TMEM181: variants seen among roughly 807,000 people sequenced by gnomAD.
TMEM181 encodes transmembrane protein 181.
A neutral mutation model predicts 71.9 loss-of-function variants in TMEM181; 39 were observed. That is an observed-to-expected ratio of 0.54 (90% CI 0.42 to 0.71). The LOEUF (loss-of-function observed/expected upper bound fraction) is 0.71, where lower values mean the gene tolerates loss of function less well. Ranked by LOEUF, TMEM181 falls within the 30% of genes least tolerant of loss-of-function variation. The pLI, the probability that TMEM181 is intolerant of heterozygous loss-of-function variation, is 0.00. For synonymous variants in TMEM181, 245 were observed against 228.8 expected (o/e 1.07, Z -0.64); for missense variants, 595 against 583.0 (o/e 1.02, Z -0.21).
At chr6:158,625,660 G>T in intron 12 of TMEM181, 43 bp from the exon 13 acceptor site, 1 of 1,521,796 alleles carries the variant, frequency 6.6e-7, no homozygotes, top group South Asian at 1.2e-5. Context: ...AATGCAAGTG[G>T]AATTTACTTC....
Position 158,574,900 on chromosome 6 carries a change from A to G in TMEM181, c.112+1377A>G, listed in dbSNP as rs139836106. ...ATGGTGTAGTTCCAGTCCAAGCCCA[A>G]AGGCATGAGAACTAGGAGAGCTGAT... On this transcript the variant is annotated intron_variant, in intron 2 of 16. Transcript: ENST00000684151. Among the ~76,000 whole-genome samples the G allele has an allele frequency of 3.9e-5, 6 of 152,316 alleles. No homozygotes were observed. In the East Asian group the frequency reaches 9.7e-4, roughly 25 times the overall value.
chr6:158,611,983 C>CG lies in TMEM181; in HGVS notation c.896+3233_896+3234insG, dbSNP rs1562307861. On this transcript the variant is annotated intron_variant, in intron 10 of 16. Transcript: ENST00000684151. ...CCCTGCAGCTGCAGGGATACCCCCC[C>CG]CACCTCCTAGTCTGCTTTTAGCTTG... Among the ~76,000 whole-genome samples the CG allele has an allele frequency of 2.7e-5, 4 of 145,952 alleles. No homozygotes were observed. The East Asian group carries it at 1.0e-3, about 37-fold the overall frequency.
intron 1 of TMEM181, among the ~76,000 whole-genome samples, chr6:158,567,127 G>A (rs1477320255): frequency 3.9e-5 from 6 of 152,200 alleles, no homozygotes; most frequent in Non-Finnish European, 7.3e-5. Context: ...CAGAATTTGC[G>A]AGTGTATTAG....
chr6:158,613,797 T>G (rs922032311), intron 10 of TMEM181, among the ~76,000 whole-genome samples: 4 of 152,246 alleles, frequency 2.6e-5, no homozygotes, highest in Non-Finnish European at 5.9e-5. Flanking sequence ...TAACTAGTTT[T>G]CAAATTCTAG....
intron 10 of TMEM181, among the ~76,000 whole-genome samples, chr6:158,613,183 A>C (rs577773107): frequency 6.6e-6 from 1 of 152,352 alleles, no homozygotes; most frequent in African/African-American, 2.4e-5. Flanking sequence ...AAACTGTCGA[A>C]AACCATAAAA....
At chr6:158,552,764 T>A (rs1781758227) in intron 1 of TMEM181, among the ~76,000 whole-genome samples, 1 of 152,190 alleles carries the variant, frequency 6.6e-6, no homozygotes. Context: ...GTTGAGCTTC[T>A]GAGAGATGAA....
In TMEM181 at chr6:158,560,130, C is replaced by G. The variant is rs912456955; in HGVS notation, c.-95C>G. On this transcript the variant is annotated 5_prime_UTR_variant, in exon 1 of 17. Coordinates refer to ENST00000684151, the MANE Select transcript of TMEM181 (RefSeq NM_001376852.1). Reference sequence around the variant, plus strand: ...CGGCCGCTGCTCAGCCGCTGTCGCTCCGGCTCCGGCTGCGGCTGCCGCTGC... The same window carrying G: ...CGGCCGCTGCTCAGCCGCTGTCGCTGCGGCTCCGGCTGCGGCTGCCGCTGC... 16 of 984,760 alleles carry G rather than the reference C, an allele frequency of 1.6e-5. No homozygotes were observed. The highest frequency in any genetic ancestry group is 1.0e-4 in the African/African-American group (6 of 57,190). The allele number at this position is 984,760 out of a possible 1,614,324, so 61.0% of individuals were successfully genotyped here.
chr6:158,565,135 T>C (rs1782413311), intron 1 of TMEM181, among the ~76,000 whole-genome samples: 1 of 152,238 alleles, frequency 6.6e-6, no homozygotes, highest in Non-Finnish European at 1.5e-5. Context: ...TCCCTCTCGC[T>C]GCAGGACAGC....
At chr6:158,631,757 A>G in intron 16 of TMEM181, 53 bp from the exon 17 acceptor site, 1 of 1,535,364 alleles carries the variant, frequency 6.5e-7, no homozygotes, top group Non-Finnish European at 8.9e-7. Context: ...GTGGAAGAGG[A>G]AAATAAAGAG....
At chr6:158,585,564 C>A in intron 5 of TMEM181, 139 bp downstream of exon 5, 1 of 1,124,740 alleles carries the variant, frequency 8.9e-7, no homozygotes, top group Non-Finnish European at 1.2e-6. Context: ...GGAGTCATAC[C>A]AAAGATGGCA....
chr6:158,565,033 C>T (rs1316930449), intron 1 of TMEM181, among the ~76,000 whole-genome samples: 1 of 152,182 alleles, frequency 6.6e-6, no homozygotes, highest in South Asian at 2.1e-4. Context: ...ATGAAGGTGT[C>T]TCTCACACCC....
At chr6:158,578,094 A>G (rs1783264635) in intron 2 of TMEM181, among the ~76,000 whole-genome samples, 1 of 152,206 alleles carries the variant, frequency 6.6e-6, no homozygotes, top group Admixed American at 6.5e-5. Flanking sequence ...CCATCTCAAA[A>G]AAAAGACAAA....
intron 13 of TMEM181, chr6:158,626,352 G>C (rs1342989132): frequency 6.6e-6 from 3 of 456,174 alleles, no homozygotes; most frequent in African/African-American, 6.0e-5. Context: ...GTAATTGCTT[G>C]GTGGTTTATG....
chr6:158,575,934 CTAAAT>C (rs1783128720), intron 2 of TMEM181, among the ~76,000 whole-genome samples: 1 of 152,286 alleles, frequency 6.6e-6, no homozygotes, highest in East Asian at 1.9e-4. Flanking sequence ...AAATCTAGTT[CTAAAT>C]TAAATTAAAA....
At chr6:158,537,007 C>A in intron 1 of TMEM181, 1 of 195,358 alleles carries the variant, frequency 5.1e-6, no homozygotes, top group Non-Finnish European at 8.9e-6. Context: ...CGGATGGGGA[C>A]GGGGTCGGGG....
rs1380690998 is a variant in TMEM181 at position 158,608,684 on chromosome 6, A to ATTTGCCTAAATT, written c.831_842dup (p.Leu278_Phe281dup). The ATTTGCCTAAATT allele has an allele frequency of 6.2e-7, 1 of 1,611,184 alleles. No individual in the cohort carries two copies. Among genetic ancestry groups the ATTTGCCTAAATT allele is most frequent in the African/African-American group, 1.3e-5 (1 of 74,696 alleles). On this transcript the variant is annotated inframe_insertion, in exon 10 of 17. Coordinates refer to ENST00000684151, the MANE Select transcript of TMEM181 (RefSeq NM_001376852.1). ...GGAGAAAGAAAGTGTTTAACTTTCT[A>ATTTGCCTAAATT]TTTGCCTAAATTCTTCATTGTTGGA...
chr6:158,575,186 C>CA (rs1231999124), intron 2 of TMEM181, among the ~76,000 whole-genome samples: 1 of 152,188 alleles, frequency 6.6e-6, no homozygotes, highest in Non-Finnish European at 1.5e-5. Flanking sequence ...GTCATGTTGA[C>CA]ACATAAAATT....
Position 158,635,001 on chromosome 6 carries a change from G to A in TMEM181, c.*3113G>A, listed in dbSNP as rs1786872120. ...GTGTATTTTGAGGGTTTTAGAAACC[G>A]GTTGCCTTAGAGGTTAGACTTTTGA... On this transcript the variant is annotated 3_prime_UTR_variant, in exon 17 of 17. Coordinates refer to ENST00000684151, the MANE Select transcript of TMEM181 (RefSeq NM_001376852.1). The A allele has an allele frequency of 6.6e-6, 1 of 151,698 alleles. No individual in the cohort carries two copies. The highest frequency in any genetic ancestry group is 2.4e-5 in the African/African-American group (1 of 41,278). The allele number at this position is 151,698 out of a possible 1,614,324, so 9.4% of individuals were successfully genotyped here.
intron 10 of TMEM181, among the ~76,000 whole-genome samples, chr6:158,614,964 T>A (rs1785536868): frequency 6.6e-6 from 1 of 152,202 alleles, no homozygotes; most frequent in Non-Finnish European, 1.5e-5. Flanking sequence ...GCATGTGTCT[T>A]TATAGTAGCA....
Sources: allele counts gnomAD v4.1 joint callset (sites outside exome capture counted in the v4.1 genomes callset), GRCh38; gene constraint gnomAD v4.1.1; transcripts MANE v1.5; gene names NCBI Gene and HGNC (gene_info 2026-07-23, HGNC 2026-07-21).